Variants in DCDC1 observed in about 807,000 individuals in gnomAD.
The protein encoded by DCDC1 is doublecortin domain containing 1.
DCDC1 carries 200 observed loss-of-function variants against 178.3 expected under a neutral mutation model. That is an observed-to-expected ratio of 1.12 (90% CI 1.00 to 1.26). DCDC1 has a LOEUF of 1.26. DCDC1 is among the 50% of genes most tolerant of loss of function. The pLI, the probability that DCDC1 is intolerant of heterozygous loss-of-function variation, is 0.00. For missense variants in DCDC1, 1,983 were observed against 1,749.2 expected (o/e 1.13, Z -2.38); for synonymous variants, 690 against 604.8 (o/e 1.14, Z -2.07).
chr11:31,152,105 T>A (rs1255556470), intron 9 of DCDC1, among the ~76,000 whole-genome samples: 2 of 152,190 alleles, frequency 1.3e-5, no homozygotes, highest in Non-Finnish European at 2.9e-5. Flanking sequence ...TAAATATGAA[T>A]AATTTTCATT....
chr11:31,285,058 CT>C (rs1946716814), intron 7 of DCDC1, among the ~76,000 whole-genome samples: 1 of 151,844 alleles, frequency 6.6e-6, no homozygotes, highest in Non-Finnish European at 1.5e-5. Flanking sequence ...TAAATACATT[CT>C]TTTTTCTTTT....
chr11:31,025,357 A>C (rs1056010166), intron 20 of DCDC1, among the ~76,000 whole-genome samples: 22 of 151,850 alleles, frequency 1.4e-4, no homozygotes, highest in Non-Finnish European at 7.4e-5. Context: ...ACTTTTTTCT[A>C]TATGAAAACA....
chr11:31,163,171 G>T (rs1183260484), intron 9 of DCDC1, among the ~76,000 whole-genome samples: 1 of 152,074 alleles, frequency 6.6e-6, no homozygotes, highest in Non-Finnish European at 1.5e-5. Context: ...TGAAGTGCCT[G>T]GGTGCACAGT....
chr11:31,133,113 G>C (rs1962657855), intron 10 of DCDC1, among the ~76,000 whole-genome samples: 1 of 152,186 alleles, frequency 6.6e-6, no homozygotes, highest in East Asian at 1.9e-4. Context: ...TTGAAGCTAT[G>C]CATTTCTGAG....
At chr11:30,990,815 C>T (rs1453908258) in intron 20 of DCDC1, among the ~76,000 whole-genome samples, 1 of 152,170 alleles carries the variant, frequency 6.6e-6, no homozygotes, top group Non-Finnish European at 1.5e-5. Context: ...CATGAATAGA[C>T]AGTTTCACTG....
intron 18 of DCDC1, among the ~76,000 whole-genome samples, chr11:31,070,264 G>C (rs927898980): frequency 6.6e-6 from 1 of 152,046 alleles, no homozygotes; most frequent in Non-Finnish European, 1.5e-5. Context: ...CTCCAAAATC[G>C]GAAACTCAAA....
In DCDC1 at chr11:31,297,490, C is replaced by T. The variant is rs562217053; in HGVS notation, c.755-6638G>A. Among the ~76,000 whole-genome samples the T allele has an allele frequency of 1.6e-4, 24 of 152,038 alleles. No individual in the cohort carries two copies. The South Asian group carries it at 4.4e-3, about 28-fold the overall frequency. ...CCTCCCGAGTAACTGGGACAACAGG[C>T]GCGCACTACCGTGCCTGGCTAATTT... On this transcript the variant is annotated intron_variant, in intron 6 of 38. Transcript: ENST00000684477.
At chr11:31,243,502 T>G (rs1977442744) in intron 8 of DCDC1, among the ~76,000 whole-genome samples, 1 of 151,556 alleles carries the variant, frequency 6.6e-6, no homozygotes, top group South Asian at 2.1e-4. Flanking sequence ...CATGAGAAAA[T>G]TTTATCAGAT....
At chr11:30,874,071 C>T (rs1405832804) in intron 38 of DCDC1, among the ~76,000 whole-genome samples, 1 of 152,198 alleles carries the variant, frequency 6.6e-6, no homozygotes, top group Admixed American at 6.5e-5. Context: ...CAAATACTCA[C>T]ATACAAAGCA....
At chr11:31,024,613 C>T (rs983389391) in intron 20 of DCDC1, among the ~76,000 whole-genome samples, 6 of 151,918 alleles carry the variant, frequency 3.9e-5, no homozygotes, top group East Asian at 1.9e-4. Context: ...CAATTATCTC[C>T]GTAGTCCTGG....
At chr11:31,112,487 C>G (rs918218072) in intron 11 of DCDC1, among the ~76,000 whole-genome samples, 2 of 152,146 alleles carry the variant, frequency 1.3e-5, no homozygotes, top group Admixed American at 6.6e-5. Flanking sequence ...TTCCCAGTGG[C>G]TCTCTGCATG....
intron 20 of DCDC1, among the ~76,000 whole-genome samples, chr11:31,053,549 T>C (rs1955400351): frequency 6.6e-6 from 1 of 152,100 alleles, no homozygotes; most frequent in Admixed American, 6.6e-5. Context: ...CAGACCAATA[T>C]CCTTGATGAA....
At chr11:31,132,774 GA>G (rs1962610477) in intron 10 of DCDC1, among the ~76,000 whole-genome samples, 1 of 152,182 alleles carries the variant, frequency 6.6e-6, no homozygotes, top group South Asian at 2.1e-4. Flanking sequence ...TTGTGCAGCA[GA>G]AAGCCTACAC....
chr11:31,081,850 A>C (rs892511213), intron 17 of DCDC1, among the ~76,000 whole-genome samples: 12 of 152,192 alleles, frequency 7.9e-5, no homozygotes, highest in Admixed American at 7.9e-4. Flanking sequence ...TTGTAAAAAA[A>C]CAAACCTCTC....
At chr11:31,182,477 G>A (rs1968936653) in intron 9 of DCDC1, among the ~76,000 whole-genome samples, 1 of 152,118 alleles carries the variant, frequency 6.6e-6, no homozygotes, top group Non-Finnish European at 1.5e-5. Flanking sequence ...CTGGCCAAAT[G>A]GAGCTTCATA....
intron 20 of DCDC1, among the ~76,000 whole-genome samples, chr11:31,050,999 A>C (rs146994006): frequency 6.6e-6 from 1 of 152,334 alleles, no homozygotes; most frequent in African/African-American, 2.4e-5. Flanking sequence ...GATTTACATG[A>C]AAAAGAATTC....
intron 3 of DCDC1, among the ~76,000 whole-genome samples, chr11:31,313,082 T>C (rs1948863547): frequency 6.6e-6 from 1 of 152,104 alleles, no homozygotes; most frequent in Admixed American, 6.5e-5. Flanking sequence ...AACCTACTGG[T>C]TCTGTTTCTC....
At chr11:31,288,167 T>C (rs1281044329) in intron 7 of DCDC1, among the ~76,000 whole-genome samples, 1 of 151,938 alleles carries the variant, frequency 6.6e-6, no homozygotes, top group African/African-American at 2.4e-5. Context: ...TTATCCACCA[T>C]GATGCTAATC....
chr11:31,284,685 C>G (rs1019948709), intron 7 of DCDC1, among the ~76,000 whole-genome samples: 8 of 151,104 alleles, frequency 5.3e-5, no homozygotes, highest in African/African-American at 1.9e-4. Flanking sequence ...GTCACCCAGT[C>G]TGGAGTGCAG....
Sources: allele counts gnomAD v4.1 joint callset (sites outside exome capture counted in the v4.1 genomes callset), GRCh38; gene constraint gnomAD v4.1.1; transcripts MANE v1.5; gene names NCBI Gene and HGNC (gene_info 2026-07-23, HGNC 2026-07-21).